The following STAG1 variants were observed in gnomAD, a reference collection of about 807,000 sequenced individuals.
STAG1 encodes the protein cohesin subunit SA-1.
STAG1 carries 26 observed loss-of-function variants against 170.9 expected under a neutral mutation model. That is an observed-to-expected ratio of 0.15 (90% confidence interval 0.11 to 0.21). STAG1 has a LOEUF of 0.21. STAG1 is among the 10% of genes least tolerant of loss of function. The pLI is 1.00. For synonymous variants in STAG1, 514 were observed against 497.7 expected (o/e 1.03, Z -0.44); for missense variants, 964 against 1,509.5 (o/e 0.64, Z 5.99).
At chr3:136,637,651 C>T (rs189408330) in intron 1 of STAG1, among the ~76,000 whole-genome samples, 176 of 152,206 alleles carry the variant, frequency 1.2e-3, no homozygotes, top group African/African-American at 2.5e-3. Flanking sequence ...TCTAGCTTTG[C>T]AACTCACTAT....
chr3:136,468,768 C>T (rs1356906404), intron 12 of STAG1, among the ~76,000 whole-genome samples: 1 of 152,136 alleles, frequency 6.6e-6, no homozygotes, highest in Non-Finnish European at 1.5e-5. Flanking sequence ...TCCAGCAGCA[C>T]ATCAAAAAGC....
chr3:136,398,947 C>A, intron 21 of STAG1, 118 bp from the exon 22 acceptor site: 1 of 473,926 alleles, frequency 2.1e-6, no homozygotes, highest in Non-Finnish European at 3.5e-6. Context: ...AGCTTCAAGT[C>A]CAAATTTTTG....
intron 14 of STAG1, among the ~76,000 whole-genome samples, chr3:136,446,064 T>C (rs1339565794): frequency 1.3e-5 from 2 of 152,206 alleles, no homozygotes; most frequent in Non-Finnish European, 2.9e-5. Flanking sequence ...TTGATTACTT[T>C]ATCTGTCCTT....
intron 28 of STAG1, among the ~76,000 whole-genome samples, chr3:136,354,779 A>G (rs1396037302): frequency 2.7e-5 from 4 of 149,654 alleles, no homozygotes; most frequent in African/African-American, 4.9e-5. Context: ...CCAAAAAACA[A>G]AAACAAAATC....
At chr3:136,659,088 G>A (rs1056641489) in intron 1 of STAG1, among the ~76,000 whole-genome samples, 1 of 152,044 alleles carries the variant, frequency 6.6e-6, no homozygotes, top group African/African-American at 2.4e-5. Context: ...ACCTTCTCAC[G>A]CCTCATTGTA....
At chr3:136,718,913 C>T (rs1418138701) in intron 1 of STAG1, among the ~76,000 whole-genome samples, 1 of 151,922 alleles carries the variant, frequency 6.6e-6, no homozygotes, top group Non-Finnish European at 1.5e-5. Context: ...GGTGACAGAG[C>T]AGGGCTCTAC....
intron 1 of STAG1, among the ~76,000 whole-genome samples, chr3:136,656,866 T>TA (rs1338348994): frequency 2.0e-5 from 3 of 152,094 alleles, no homozygotes; most frequent in African/African-American, 7.2e-5. Flanking sequence ...CTAATATTAA[T>TA]ACGTATCAAG....
intron 22 of STAG1, among the ~76,000 whole-genome samples, chr3:136,383,243 T>C (rs1938074257): frequency 6.6e-6 from 1 of 152,144 alleles, no homozygotes; most frequent in Non-Finnish European, 1.5e-5. Flanking sequence ...TTAGCTTTAC[T>C]CTTAATGCCC....
At chr3:136,733,387 A>G (rs1292073963) in intron 1 of STAG1, among the ~76,000 whole-genome samples, 1 of 152,050 alleles carries the variant, frequency 6.6e-6, no homozygotes, top group Admixed American at 6.6e-5. Context: ...TGCCTGGCCA[A>G]AGGCTAACTT....
chr3:136,357,673 C>T (rs769854773), intron 28 of STAG1, 47 bp downstream of exon 28: 1 of 1,479,394 alleles, frequency 6.8e-7, no homozygotes, highest in Non-Finnish European at 9.1e-7. Flanking sequence ...TAAACATTTA[C>T]AACAGTATTA....
intron 23 of STAG1, among the ~76,000 whole-genome samples, chr3:136,372,269 A>C (rs994985533): frequency 1.3e-5 from 2 of 152,188 alleles, no homozygotes; most frequent in Non-Finnish European, 2.9e-5. Flanking sequence ...GGGGTTTTCT[A>C]AATATACAAT....
intron 1 of STAG1, among the ~76,000 whole-genome samples, chr3:136,696,301 GA>G (rs35030125): frequency 0.35 from 53,562 of 151,856 alleles, 10,594 homozygotes; most frequent in African/African-American, 0.54. Context: ...ACAATCCCTG[GA>G]AGCATGTGCT....
chr3:136,686,931 G>T (rs552379010), intron 1 of STAG1, among the ~76,000 whole-genome samples: 2 of 152,240 alleles, frequency 1.3e-5, no homozygotes, highest in Admixed American at 1.3e-4. Context: ...GTCAGCTACA[G>T]ACCCAATTAG....
At chr3:136,457,787 GA>G (rs1217568400) in intron 13 of STAG1, among the ~76,000 whole-genome samples, 1 of 152,024 alleles carries the variant, frequency 6.6e-6, no homozygotes, top group Non-Finnish European at 1.5e-5. Context: ...AAGACTACAA[GA>G]AAAAACTATT....
chr3:136,667,608 T>C (rs1025783730), intron 1 of STAG1, among the ~76,000 whole-genome samples: 1 of 152,156 alleles, frequency 6.6e-6, no homozygotes, highest in Non-Finnish European at 1.5e-5. Flanking sequence ...GTGATTCCCC[T>C]GCCGCAGCCT....
At position 136,684,067 on chromosome 3, in the gene STAG1, T is replaced by C. The variant is rs1372450187; in HGVS notation, c.-83-53086A>G. 6.6e-5 allele frequency among the ~76,000 whole-genome samples: 10 copies of C among 152,296 alleles called. No individual in the cohort carries two copies. The East Asian group carries it at 1.5e-3, about 23-fold the overall frequency. On this transcript the variant is annotated intron_variant, in intron 1 of 33. Coordinates refer to ENST00000383202, the MANE Select transcript of STAG1 (RefSeq NM_005862.3). ...AGGAGAAATATTACATGCTTGTGGA[T>C]AGGAAAACTCAGTATTATCAAGATG...
intron 1 of STAG1, among the ~76,000 whole-genome samples, chr3:136,652,741 C>A (rs575192529): frequency 3.3e-5 from 5 of 152,246 alleles, no homozygotes; most frequent in African/African-American, 9.6e-5. Flanking sequence ...ATAGCAATAA[C>A]CAATCAGAAA....
At chr3:136,386,532 C>T (rs1385720346) in intron 22 of STAG1, among the ~76,000 whole-genome samples, 1 of 151,908 alleles carries the variant, frequency 6.6e-6, no homozygotes, top group Non-Finnish European at 1.5e-5. Context: ...GTAGACTGAC[C>T]CATAACAGCA....
intron 29 of STAG1, among the ~76,000 whole-genome samples, chr3:136,347,265 G>A (rs1396935285): frequency 6.6e-6 from 1 of 150,512 alleles, no homozygotes; most frequent in African/African-American, 2.4e-5. Flanking sequence ...GCGTGGCGGT[G>A]GGCACCTGTA....
Sources: allele counts gnomAD v4.1 joint callset (sites outside exome capture counted in the v4.1 genomes callset), GRCh38; gene constraint gnomAD v4.1.1; transcripts MANE v1.5; gene names NCBI Gene and HGNC (gene_info 2026-07-23, HGNC 2026-07-21).